The following ZDHHC14 variants were observed in gnomAD, a reference collection of about 807,000 sequenced individuals.
ZDHHC14 encodes the protein palmitoyltransferase ZDHHC14.
Under a neutral mutation model 47.7 loss-of-function variants are expected in ZDHHC14, and 16 were observed. The ratio of observed to expected loss-of-function variants is 0.34; its 90% CI spans 0.23 to 0.51. ZDHHC14 has a LOEUF of 0.51. Among genes scored for constraint, ZDHHC14 ranks in the 20% least tolerant of loss-of-function variants. The probability of loss-of-function intolerance (pLI) is 0.97; values close to 1 mark genes in which losing one functional copy is unlikely to be tolerated. For missense variants in ZDHHC14, 515 were observed against 662.5 expected (o/e 0.78, Z 2.44); for synonymous variants, 293 against 278.9 (o/e 1.05, Z -0.50).
chr6:157,454,444 A>G (rs1778867328), intron 1 of ZDHHC14, among the ~76,000 whole-genome samples: 1 of 152,224 alleles, frequency 6.6e-6, no homozygotes, highest in Admixed American at 6.5e-5. Flanking sequence ...AAGAAAAAGA[A>G]GAAAAATGCA....
At chr6:157,497,225 A>G in intron 1 of ZDHHC14, among the ~76,000 whole-genome samples, 1 of 152,250 alleles carries the variant, frequency 6.6e-6, no homozygotes, top group East Asian at 1.9e-4. Context: ...AGGAATTTCC[A>G]TTTTAAGAAC....
At chr6:157,636,785 C>G (rs931274151) in intron 5 of ZDHHC14, among the ~76,000 whole-genome samples, 7 of 152,192 alleles carry the variant, frequency 4.6e-5, no homozygotes, top group African/African-American at 1.4e-4. Flanking sequence ...TTTCTGGAAG[C>G]AGGAGTGAAT....
rs146025125 is a variant in ZDHHC14 at position 157,602,752 on chromosome 6, C to T, written c.565+9606C>T. On this transcript the variant is annotated intron_variant, in intron 3 of 8. Transcript: ENST00000359775. The stretch of plus-strand genomic sequence containing the variant: ...TGCAGGGAGCTGCTTACTCTTCACC[C>T]GCCATGAGGATGCTTCCTCTGAGCT... 8.3e-4 allele frequency among the ~76,000 whole-genome samples: 127 copies of T among 152,254 alleles called. 2 individuals are homozygous for T. The highest frequency in any genetic ancestry group is 2.8e-3 in the African/African-American group (117 of 41,552).
chr6:157,630,814 T>G, intron 4 of ZDHHC14: 1 of 129,592 alleles, frequency 7.7e-6, no homozygotes, highest in African/African-American at 2.8e-5. Context: ...CACATACCCT[T>G]GGACACCCAC....
Position 157,458,369 on chromosome 6 carries a change from C to T in ZDHHC14, c.245+76103C>T, listed in dbSNP as rs182673577. Among the ~76,000 whole-genome samples, 17 of 151,942 alleles carry T rather than the reference C, an allele frequency of 1.1e-4. No individual in the cohort carries two copies. The East Asian group carries it at 3.1e-3, about 28-fold the overall frequency. On this transcript the variant is annotated intron_variant, in intron 1 of 8. Coordinates refer to ENST00000359775, the MANE Select transcript of ZDHHC14 (RefSeq NM_024630.3). Reference sequence around the variant, plus strand: ...TTTTTATTTAATGTTTGTGGATGGGCGGACAACATGAAATGGTAGAAAATC... The same window carrying T: ...TTTTTATTTAATGTTTGTGGATGGGTGGACAACATGAAATGGTAGAAAATC...
At chr6:157,533,670 A>G in intron 1 of ZDHHC14, among the ~76,000 whole-genome samples, 1 of 152,182 alleles carries the variant, frequency 6.6e-6, no homozygotes, top group Non-Finnish European at 1.5e-5. Flanking sequence ...TTCTGAGCAG[A>G]GGAGGGACGT....
At chr6:157,536,417 C>T (rs1781546446) in intron 1 of ZDHHC14, among the ~76,000 whole-genome samples, 1 of 152,286 alleles carries the variant, frequency 6.6e-6, no homozygotes, top group African/African-American at 2.4e-5. Context: ...AAAGAGGACT[C>T]AAATTGTTTT....
At chr6:157,460,062 A>AG (rs1779035710) in intron 1 of ZDHHC14, among the ~76,000 whole-genome samples, 1 of 145,902 alleles carries the variant, frequency 6.9e-6, no homozygotes, top group Non-Finnish European at 1.5e-5. Flanking sequence ...AAATACAAAA[A>AG]AAAAAAAAAA....
intron 1 of ZDHHC14, among the ~76,000 whole-genome samples, chr6:157,471,755 C>T (rs1779360376): frequency 6.6e-6 from 1 of 152,194 alleles, no homozygotes; most frequent in African/African-American, 2.4e-5. Flanking sequence ...TTGAAATGCC[C>T]CTCAGAGGCA....
chr6:157,565,106 G>A (rs1302720912), intron 2 of ZDHHC14, among the ~76,000 whole-genome samples: 2 of 152,112 alleles, frequency 1.3e-5, no homozygotes, highest in African/African-American at 4.8e-5. Context: ...CATTAGCCAG[G>A]TGTGGTGGCA....
rs145755927 is a variant in ZDHHC14, at chr6:157,550,275, G to A, written c.406+7530G>A. Among the ~76,000 whole-genome samples, 100 of 152,232 alleles carry A rather than the reference G, an allele frequency of 6.6e-4. No homozygotes were observed. The East Asian group carries it at 0.017, about 26-fold the overall frequency. On this transcript the variant is annotated intron_variant, in intron 2 of 8. Coordinates refer to ENST00000359775, the MANE Select transcript of ZDHHC14 (RefSeq NM_024630.3). ...ACACAGACACTCTAGAGAGACCACA[G>A]CATCACAAGACACGCTAGAGAGACC...
chr6:157,568,140 G>C (rs1782974994), intron 2 of ZDHHC14, among the ~76,000 whole-genome samples: 1 of 152,132 alleles, frequency 6.6e-6, no homozygotes, highest in African/African-American at 2.4e-5. Context: ...ATACTTCATT[G>C]ACATCTAAAT....
chr6:157,547,183 C>A (rs898975187), intron 2 of ZDHHC14, among the ~76,000 whole-genome samples: 1 of 152,252 alleles, frequency 6.6e-6, no homozygotes, highest in African/African-American at 2.4e-5. Context: ...TGTGCACGCA[C>A]GTGCACGTGT....
At chr6:157,526,504 G>T (rs1204146080) in intron 1 of ZDHHC14, among the ~76,000 whole-genome samples, 1 of 152,224 alleles carries the variant, frequency 6.6e-6, no homozygotes, top group Non-Finnish European at 1.5e-5. Flanking sequence ...ACAAGGTAAA[G>T]TTCTGTAGAC....
At chr6:157,542,535 G>A (rs1214785189) in intron 1 of ZDHHC14, 50 bp from the exon 2 acceptor site, 2 of 1,588,708 alleles carry the variant, frequency 1.3e-6, no homozygotes, top group East Asian at 2.3e-5. Flanking sequence ...TCCTAACATT[G>A]TATTTCCTTT....
intron 1 of ZDHHC14, among the ~76,000 whole-genome samples, chr6:157,513,705 T>C (rs1236264456): frequency 6.6e-6 from 1 of 152,242 alleles, no homozygotes; most frequent in African/African-American, 2.4e-5. Context: ...GTGTTGATTA[T>C]GATATGATTG....
At chr6:157,655,002 T>C (rs1057317387) in intron 8 of ZDHHC14, among the ~76,000 whole-genome samples, 27 of 152,166 alleles carry the variant, frequency 1.8e-4, no homozygotes, top group African/African-American at 6.3e-4. Flanking sequence ...CCCAAAGTGC[T>C]GGGATGACGG....
intron 1 of ZDHHC14, among the ~76,000 whole-genome samples, chr6:157,470,486 A>G (rs1346449203): frequency 1.3e-5 from 2 of 152,242 alleles, no homozygotes; most frequent in Non-Finnish European, 2.9e-5. Flanking sequence ...ATGATAGTAT[A>G]TGGATTGAAA....
chr6:157,392,474 G>A (rs111641826), intron 1 of ZDHHC14, among the ~76,000 whole-genome samples: 13,461 of 152,030 alleles, frequency 0.089, 816 homozygotes, highest in African/African-American at 0.18. Context: ...CTCTTAGACC[G>A]TATTCTTCCT....
Sources: allele counts gnomAD v4.1 joint callset (sites outside exome capture counted in the v4.1 genomes callset), GRCh38; gene constraint gnomAD v4.1.1; transcripts MANE v1.5; gene names NCBI Gene and HGNC (gene_info 2026-07-23, HGNC 2026-07-21).